The following SLX4IP variants were observed in gnomAD, a reference collection of about 807,000 sequenced individuals.
SLX4IP encodes protein SLX4IP.
Under a neutral mutation model 32.9 loss-of-function variants are expected in SLX4IP, and 34 were observed. The ratio of observed to expected loss-of-function variants is 1.03; its 90% confidence interval spans 0.79 to 1.38. The LOEUF (loss-of-function observed/expected upper bound fraction) is 1.38, where lower values mean the gene tolerates loss of function less well. Among genes scored for constraint, SLX4IP ranks in the 40% most tolerant of loss-of-function variants. The pLI, the probability that SLX4IP is intolerant of heterozygous loss-of-function variation, is 0.00. For synonymous variants in SLX4IP, 172 were observed against 171.7 expected, an observed-to-expected ratio of 1.00 and a Z score of -0.01; for missense variants, 444 against 479.0, an observed-to-expected ratio of 0.93 and a Z score of 0.68.
intron 2 of SLX4IP, among the ~76,000 whole-genome samples, chr20:10,540,049 G>C (rs546146952): frequency 6.6e-6 from 1 of 151,284 alleles, no homozygotes; most frequent in African/African-American, 2.4e-5. Context: ...AGCAATTTGT[G>C]TTTCTTTTTG....
At chr20:10,510,798 G>A (rs1372018959) in intron 2 of SLX4IP, among the ~76,000 whole-genome samples, 2 of 151,956 alleles carry the variant, frequency 1.3e-5, no homozygotes, top group Admixed American at 1.3e-4. Flanking sequence ...TAGAGACAGG[G>A]TTTCACCATG....
chr20:10,447,379 T>A (rs904093961), intron 1 of SLX4IP, among the ~76,000 whole-genome samples: 2 of 152,210 alleles, frequency 1.3e-5, no homozygotes, highest in East Asian at 3.8e-4. Flanking sequence ...TTTTTTAGTC[T>A]TTCTCAGTTT....
chr20:10,452,635 C>T (rs2065250266), intron 1 of SLX4IP, among the ~76,000 whole-genome samples: 1 of 145,230 alleles, frequency 6.9e-6, no homozygotes, highest in African/African-American at 2.6e-5. Context: ...TATTGCACTC[C>T]AGCCTGGGCA....
At chr20:10,454,738 GTTA>G (rs894982651) in intron 1 of SLX4IP, among the ~76,000 whole-genome samples, 4 of 152,228 alleles carry the variant, frequency 2.6e-5, no homozygotes, top group Admixed American at 2.6e-4. Flanking sequence ...TTTGTATGGA[GTTA>G]TTATTTTTTT....
chr20:10,578,299 G>T (rs1939325315), intron 4 of SLX4IP, among the ~76,000 whole-genome samples: 1 of 152,178 alleles, frequency 6.6e-6, no homozygotes, highest in African/African-American at 2.4e-5. Context: ...GGATTTGCCT[G>T]TTCTGGACAT....
At chr20:10,495,016 T>C (rs2065654802) in intron 2 of SLX4IP, among the ~76,000 whole-genome samples, 1 of 152,174 alleles carries the variant, frequency 6.6e-6, no homozygotes, top group Admixed American at 6.5e-5. Context: ...AGTGAGATGA[T>C]AGATATGTTA....
intron 6 of SLX4IP, among the ~76,000 whole-genome samples, chr20:10,606,277 C>T (rs2066904399): frequency 6.6e-6 from 1 of 152,100 alleles, no homozygotes; most frequent in Admixed American, 6.5e-5. Flanking sequence ...GTTTTTAGAA[C>T]AGAAGAAATA....
At chr20:10,521,920 G>A (rs1176569669) in intron 2 of SLX4IP, among the ~76,000 whole-genome samples, 1 of 152,244 alleles carries the variant, frequency 6.6e-6, no homozygotes, top group Non-Finnish European at 1.5e-5. Flanking sequence ...TAAGGGGACA[G>A]GTGGGGAAAT....
intron 1 of SLX4IP, among the ~76,000 whole-genome samples, chr20:10,441,875 T>TTGGTC: frequency 6.6e-6 from 1 of 152,314 alleles, no homozygotes; most frequent in East Asian, 1.9e-4. Context: ...TCATTTTTCC[T>TTGGTC]TGGTCTTTTG....
At chr20:10,516,816 A>C (rs746211055) in intron 2 of SLX4IP, among the ~76,000 whole-genome samples, 1 of 152,220 alleles carries the variant, frequency 6.6e-6, no homozygotes, top group Non-Finnish European at 1.5e-5. Flanking sequence ...GAATGAAAAA[A>C]TGTCTGGGCT....
intron 2 of SLX4IP, among the ~76,000 whole-genome samples, chr20:10,472,474 C>T (rs879535461): frequency 1.8e-4 from 28 of 152,170 alleles, no homozygotes; most frequent in African/African-American, 6.0e-4. Flanking sequence ...TCGTGATCTG[C>T]GTGCCTTGGA....
At chr20:10,462,296 G>A (rs2065344218) in intron 2 of SLX4IP, among the ~76,000 whole-genome samples, 1 of 152,186 alleles carries the variant, frequency 6.6e-6, no homozygotes, top group African/African-American at 2.4e-5. Flanking sequence ...ACAATTTACT[G>A]GAAGTGGAGG....
chr20:10,568,351 C>T (rs1400965552), intron 4 of SLX4IP, among the ~76,000 whole-genome samples: 2 of 152,166 alleles, frequency 1.3e-5, no homozygotes, highest in African/African-American at 2.4e-5. Flanking sequence ...AGTGAAGCTG[C>T]GTGACTTTCT....
chr20:10,438,050 TTAAC>T (rs2065129410), intron 1 of SLX4IP, among the ~76,000 whole-genome samples: 1 of 152,226 alleles, frequency 6.6e-6, no homozygotes, highest in Non-Finnish European at 1.5e-5. Context: ...TAAATATTAA[TTAAC>T]TATTGTTAAA....
chr20:10,519,657 T>C (rs2065886784), intron 2 of SLX4IP, among the ~76,000 whole-genome samples: 1 of 152,256 alleles, frequency 6.6e-6, no homozygotes, highest in Non-Finnish European at 1.5e-5. Flanking sequence ...TTTTGGACTG[T>C]TATGACTAAT....
intron 1 of SLX4IP, among the ~76,000 whole-genome samples, chr20:10,453,707 C>T (rs2065262240): frequency 1.3e-5 from 2 of 151,208 alleles, no homozygotes; most frequent in African/African-American, 4.9e-5. Flanking sequence ...CCTTTGTGTT[C>T]TCCACCTCCT....
At position 10,625,279 on chromosome 20, in the gene SLX4IP, A is replaced by C. The variant is rs1261032362; in HGVS notation, c.*1900A>C. 6.6e-6 allele frequency: 1 copy of C among 152,218 alleles called. No individual in the cohort carries two copies. Among genetic ancestry groups the C allele is most frequent in the African/African-American group, 2.4e-5 (1 of 41,432 alleles). 9.4% of individuals were successfully genotyped at this position (152,218 alleles called of 1,614,324 possible). On this transcript the variant is annotated 3_prime_UTR_variant, in exon 8 of 8. Coordinates refer to ENST00000334534, the MANE Select transcript of SLX4IP (RefSeq NM_001009608.3). ...AATCTTCTTAAACAGAAGCAATTAG[A>C]ACGATTTAGATATAGGGAGGGCACA...
intron 2 of SLX4IP, among the ~76,000 whole-genome samples, chr20:10,526,229 T>C (rs912846452): frequency 6.6e-6 from 1 of 152,224 alleles, no homozygotes; most frequent in African/African-American, 2.4e-5. Context: ...TAGATGTCTA[T>C]TGAGGTGATA....
At chr20:10,523,023 G>A (rs545258794) in intron 2 of SLX4IP, among the ~76,000 whole-genome samples, 4 of 152,168 alleles carry the variant, frequency 2.6e-5, no homozygotes, top group East Asian at 1.9e-4. Context: ...TAAGTCTCCC[G>A]GCCCACTATT....
Sources: gnomAD v4.1 joint callset for allele counts (sites outside exome capture counted in the v4.1 genomes callset) on GRCh38, gnomAD v4.1.1 for gene constraint, MANE v1.5 for transcripts, NCBI Gene and HGNC (gene_info 2026-07-23, HGNC 2026-07-21) for gene names.